RGPD1: variants seen among roughly 807,000 people sequenced by gnomAD.
The protein encoded by RGPD1 is RANBP2-like and GRIP domain-containing protein 1.
Under a neutral mutation model 40.6 loss-of-function variants are expected in RGPD1, and 7 were observed. The ratio of observed to expected loss-of-function variants is 0.17; its 90% confidence interval spans 0.10 to 0.32. The LOEUF (loss-of-function observed/expected upper bound fraction) is 0.32. Ranked by LOEUF, RGPD1 falls within the 10% of genes least tolerant of loss-of-function variation. The pLI is 1.00. For missense variants in RGPD1, 50 were observed against 472.5 expected (o/e 0.11, Z 8.29); for synonymous variants, 24 against 167.0 (o/e 0.14, Z 6.60).
intron 4 of RGPD1, among the ~76,000 whole-genome samples, chr2:86,955,076 C>T (rs201144305): frequency 0.19 from 2,138 of 11,142 alleles, 317 homozygotes; most frequent in East Asian, 0.48. Context: ...TCTCGGCTCA[C>T]TGCCACCTGT....
Position 86,942,383 on chromosome 2 carries a change from C to T in RGPD1, c.72+75C>T, listed in dbSNP as rs1391133483. 1.0e-5 allele frequency: 14 copies of T among 1,403,418 alleles called. No homozygotes were observed. In the East Asian group the frequency reaches 1.4e-4, roughly 14 times the overall value. 86.9% of individuals were successfully genotyped at this position (1,403,418 alleles called of 1,614,324 possible). A position where few individuals can be genotyped will look rare whatever the true frequency, so the allele number is the denominator to read the frequency against. ...CCTCGACCTGGCCGGGCGGCGGCCT[C>T]GACCTGGCCGGGCGGCGGCCTCGAT... On this transcript the variant is annotated intron_variant, in intron 1 of 22. Coordinates refer to ENST00000641458, the MANE Select transcript of RGPD1 (RefSeq NM_001382344.1).
chr2:86,945,614 A>C (rs374380462), intron 1 of RGPD1, among the ~76,000 whole-genome samples: 1 of 152,150 alleles, frequency 6.6e-6, no homozygotes, highest in African/African-American at 2.4e-5. Flanking sequence ...ACTCCCTCAC[A>C]TGTGCTTTTG....
At chr2:86,938,870 C>G (rs1573598606), upstream of RGPD1, among the ~76,000 whole-genome samples, 1 of 125,646 alleles carries the variant, frequency 8.0e-6, no homozygotes, top group Non-Finnish European at 1.8e-5. Context: ...CAGTGTGAGA[C>G]TCTCTCAAAA....
chr2:86,930,564 G>T, intron 1 of RGPD1: 2 of 1,607,932 alleles, frequency 1.2e-6, no homozygotes, highest in South Asian at 2.2e-5. Flanking sequence ...GATGAGGACA[G>T]TCCAGAGCAG....
Position 86,942,318 on chromosome 2 carries a change from T to A in RGPD1, c.72+10T>A. On this transcript the variant is annotated intron_variant, in intron 1 of 22. Transcript: ENST00000641458. ...CCCGTCGCCTGGAAAGGTGAGTGGA[T>A]CTCGAAGAGACCGACGGCCTCGACC... 3.2e-6 allele frequency: 5 copies of A among 1,546,008 alleles called. No individual in the cohort carries two copies. The highest frequency in any genetic ancestry group is 4.4e-6 in the Non-Finnish European group (5 of 1,146,884).
chr2:86,943,506 C>T (rs1406291861), intron 1 of RGPD1, among the ~76,000 whole-genome samples: 1 of 152,024 alleles, frequency 6.6e-6, no homozygotes. Flanking sequence ...GGTGGATGTG[C>T]ACAGAATCTT....
intron 6 of RGPD1, among the ~76,000 whole-genome samples, chr2:86,962,567 G>A (rs1452303933): frequency 1.8e-5 from 2 of 112,230 alleles, no homozygotes. Flanking sequence ...GATCTATATA[G>A]TAAAAAGAGC....
chr2:86,923,025 G>T, intron 1 of RGPD1, among the ~76,000 whole-genome samples: 3 of 103,212 alleles, frequency 2.9e-5, no homozygotes, highest in African/African-American at 3.9e-5. Flanking sequence ...AGGTTCCATG[G>T]TATATTCCTT....
rs1267285809 is a variant in RGPD1 at position 86,942,696 on chromosome 2, G to T, written c.72+388G>T. 4.1e-5 allele frequency among the ~76,000 whole-genome samples: 6 copies of T among 147,366 alleles called. No individual in the cohort carries two copies. The East Asian group carries it at 1.2e-3, about 29-fold the overall frequency. On this transcript the variant is annotated intron_variant, in intron 1 of 22. Transcript: ENST00000641458. Reference sequence around the variant, plus strand: ...GCCTCGACCTGGCCGGGCGGCGGTGGCCTCGACGTGGCCCGGCGGCGGCCT... The same window carrying T: ...GCCTCGACCTGGCCGGGCGGCGGTGTCCTCGACGTGGCCCGGCGGCGGCCT...
chr2:86,918,448 C>A (rs1173741086), intron 1 of RGPD1, among the ~76,000 whole-genome samples: 2 of 134,228 alleles, frequency 1.5e-5, no homozygotes, highest in African/African-American at 6.0e-5. Flanking sequence ...CCTTGCACAC[C>A]AAATCTTTTT....
intron 1 of RGPD1, chr2:86,930,531 A>C (rs996067325): frequency 5.7e-6 from 9 of 1,567,108 alleles, no homozygotes; most frequent in Non-Finnish European, 7.9e-6. Flanking sequence ...TCGGTGGCGG[A>C]AGGCCCAACA....
intron 21 of RGPD1, among the ~76,000 whole-genome samples, chr2:86,996,936 G>T (rs1681799488): frequency 1.3e-5 from 1 of 77,296 alleles, no homozygotes; most frequent in Non-Finnish European, 2.4e-5. Context: ...AAAGTAGAAG[G>T]CAGAGGGAAC....
At chr2:86,931,040 A>G (rs1315646225) in intron 1 of RGPD1, among the ~76,000 whole-genome samples, 6 of 117,168 alleles carry the variant, frequency 5.1e-5, no homozygotes, top group East Asian at 4.7e-4. Flanking sequence ...CCAAATTTCA[A>G]TAGTTGCCTA....
chr2:86,914,265 TCGGCCTTGGCCTC>T (rs1222332795), intron 1 of RGPD1, among the ~76,000 whole-genome samples: 29 of 10,222 alleles, frequency 2.8e-3, no homozygotes, highest in Non-Finnish European at 5.4e-3. Flanking sequence ...GGCCTCGGCC[TCGGCCTTGGCCTC>T]GGCCGGGCGG....
intron 1 of RGPD1, among the ~76,000 whole-genome samples, chr2:86,927,195 T>C (rs1260426864): frequency 6.6e-6 from 1 of 151,460 alleles, no homozygotes; most frequent in Non-Finnish European, 1.5e-5. Context: ...TAAATTGGTA[T>C]GTTCCGTGGA....
chr2:86,930,695 C>G (rs944738065), intron 1 of RGPD1: 158 of 1,599,596 alleles, frequency 9.9e-5, no homozygotes, highest in Admixed American at 1.3e-4. Flanking sequence ...GCTGCTGTTG[C>G]GGCGCCCGAA....
At chr2:86,930,368 A>C (rs983585219) in intron 1 of RGPD1, 2 of 1,295,924 alleles carry the variant, frequency 1.5e-6, no homozygotes, top group African/African-American at 2.9e-5. Flanking sequence ...GGTGAACCAC[A>C]TCCTCGTAGG....
chr2:86,923,441 A>G (rs1678192054), intron 1 of RGPD1, among the ~76,000 whole-genome samples: 1 of 151,814 alleles, frequency 6.6e-6, no homozygotes, highest in African/African-American at 2.4e-5. Context: ...ATCAGTTTTA[A>G]TATATGCACA....
intron 1 of RGPD1, among the ~76,000 whole-genome samples, chr2:86,943,319 TAAA>T (rs531699281): frequency 1.6e-5 from 2 of 123,314 alleles, no homozygotes; most frequent in Non-Finnish European, 3.3e-5. Flanking sequence ...TGCCTTTGCT[TAAA>T]AAAAAAAAAA....
Sources: gnomAD v4.1 joint callset for allele counts (sites outside exome capture counted in the v4.1 genomes callset) on GRCh38, gnomAD v4.1.1 for gene constraint, MANE v1.5 for transcripts, NCBI Gene and HGNC (gene_info 2026-07-23, HGNC 2026-07-21) for gene names.